Variants in SLC28A1 observed in about 807,000 individuals in gnomAD.
SLC28A1 encodes the protein sodium/nucleoside cotransporter 1.
A neutral mutation model predicts 74.8 loss-of-function variants in SLC28A1; 64 were observed. The observed-to-expected ratio is 0.86, with a 90% CI of 0.70 to 1.05. The LOEUF is 1.05. Among genes scored for constraint, SLC28A1 ranks in the 50% least tolerant of loss-of-function variants. The pLI, the probability that SLC28A1 is intolerant of heterozygous loss-of-function variation, is 0.00. For synonymous variants in SLC28A1, 359 were observed against 335.0 expected (o/e 1.07, Z -0.78); for missense variants, 828 against 822.8 (o/e 1.01, Z -0.08).
rs142749550 is a variant in SLC28A1, at chr15:84,901,734, G to C, written c.462-2363G>C. On this transcript the variant is annotated intron_variant, in intron 6 of 18. Coordinates refer to ENST00000394573, the MANE Select transcript of SLC28A1 (RefSeq NM_004213.5). The stretch of plus-strand genomic sequence containing the variant: ...CATATCAAGTGTTGGCAAGGATATA[G>C]AGGAACTGAAATTTTTATATACTGC... Among the ~76,000 whole-genome samples, 700 of 152,342 alleles carry C rather than the reference G, an allele frequency of 4.6e-3. 11 individuals are homozygous for C. Among genetic ancestry groups the C allele is most frequent in the African/African-American group, 0.016 (669 of 41,580 alleles).
chr15:84,935,244 G>A lies in SLC28A1; in HGVS notation c.1383+50G>A, dbSNP rs368421786. The A allele has an allele frequency of 9.9e-6, 16 of 1,612,254 alleles. No individual in the cohort carries two copies. In the African/African-American group the frequency reaches 1.7e-4, roughly 17 times the overall value. ...GTCTGTAGAGAGGATGGCCCCAGGT[G>A]GGTGGTGAGTGGTGGCTGGAGACCT... On this transcript the variant is annotated intron_variant, in intron 14 of 18. Transcript: ENST00000394573.
intron 13 of SLC28A1, 51 bp downstream of exon 13, chr15:84,933,326 G>C: frequency 6.3e-7 from 1 of 1,595,668 alleles, no homozygotes; most frequent in Non-Finnish European, 8.6e-7. Flanking sequence ...AAGGTGGGGG[G>C]AGCAAAGCAG....
At chr15:84,926,804 G>GC (rs1202322588) in intron 12 of SLC28A1, among the ~76,000 whole-genome samples, 2 of 86,874 alleles carry the variant, frequency 2.3e-5, no homozygotes, top group Admixed American at 1.3e-4. Context: ...GTGGGGGGAG[G>GC]GGGGGGGTGG....
At chr15:84,964,029 C>T in the SLC28A1 span, among the ~76,000 whole-genome samples, 1 of 152,178 alleles carries the variant, frequency 6.6e-6, no homozygotes, top group African/African-American at 2.4e-5. Context: ...TGGCTGTCTT[C>T]TCTAGGAAGC....
At chr15:84,939,519 G>T (rs895206929) in intron 15 of SLC28A1, 2 of 152,128 alleles carry the variant, frequency 1.3e-5, no homozygotes, top group African/African-American at 4.8e-5. Context: ...ATGTTATAAA[G>T]GCATTAACTT....
intron 12 of SLC28A1, among the ~76,000 whole-genome samples, chr15:84,929,974 A>G (rs1361445829): frequency 6.6e-6 from 1 of 152,202 alleles, no homozygotes; most frequent in African/African-American, 2.4e-5. Flanking sequence ...CCTGCAGAGT[A>G]GCTGGCAGTG....
At chr15:84,900,281 G>A (rs1450419282) in intron 6 of SLC28A1, among the ~76,000 whole-genome samples, 1 of 91,774 alleles carries the variant, frequency 1.1e-5, no homozygotes, top group Non-Finnish European at 2.6e-5. Flanking sequence ...AGTGAGCCGA[G>A]ATCACGCCAC....
the SLC28A1 span, among the ~76,000 whole-genome samples, chr15:84,955,759 G>T: frequency 3.3e-5 from 5 of 152,142 alleles, no homozygotes; most frequent in African/African-American, 1.2e-4. Flanking sequence ...TATTCTCCTG[G>T]CAGGCTCTAC....
At chr15:84,905,708 G>A (rs879043025) in intron 8 of SLC28A1, 56 bp downstream of exon 8, 181 of 1,263,406 alleles carry the variant, frequency 1.4e-4, no homozygotes, top group Middle Eastern at 1.9e-4. Context: ...GAGTAGGGGA[G>A]AAGCCACTTG....
At chr15:84,917,069 A>T (rs1326939582) in intron 9 of SLC28A1, among the ~76,000 whole-genome samples, 1 of 151,216 alleles carries the variant, frequency 6.6e-6, no homozygotes, top group Non-Finnish European at 1.5e-5. Context: ...ACAGATGAGA[A>T]ATTCAGAAAT....
chr15:84,899,355 T>C (rs534979120), intron 6 of SLC28A1, among the ~76,000 whole-genome samples: 28 of 151,620 alleles, frequency 1.8e-4, no homozygotes, highest in Admixed American at 8.5e-4. Context: ...AAAAAATATT[T>C]GACGAAATTA....
At chr15:84,967,952 A>G in the SLC28A1 span, among the ~76,000 whole-genome samples, 2 of 152,126 alleles carry the variant, frequency 1.3e-5, no homozygotes, top group African/African-American at 2.4e-5. Flanking sequence ...GCTAAGATTT[A>G]GTGAATCTTG....
Position 84,935,482 on chromosome 15 carries a change from C to G in SLC28A1, c.1545C>G (p.Ala515=). Reference sequence around the variant, plus strand: ...ACAAGCAACGCCGCCTGGCAGGGGCCGAGGAGTGGGTCGGCGACAGGAAGC... The same window carrying G: ...ACAAGCAACGCCGCCTGGCAGGGGCGGAGGAGTGGGTCGGCGACAGGAAGC... ...SKYKQRRLAG[A]EEWVGDRKQW... Residue 515 remains alanine (A), a synonymous_variant, in exon 15 of 19, where the codon GCC becomes GCG. Transcript: ENST00000394573. 1 of 1,614,072 alleles carries G rather than the reference C, an allele frequency of 6.2e-7. No homozygotes were observed. Among genetic ancestry groups the G allele is most frequent in the Non-Finnish European group, 8.5e-7 (1 of 1,179,988 alleles).
intron 12 of SLC28A1, among the ~76,000 whole-genome samples, chr15:84,930,069 C>A (rs1430648208): frequency 1.3e-5 from 2 of 152,242 alleles, no homozygotes; most frequent in Non-Finnish European, 1.5e-5. Context: ...TGGAAACTAG[C>A]AACTGCAGCA....
Position 84,904,143 on chromosome 15 carries a change from C to T in SLC28A1, c.508C>T (p.Leu170=). ...AFLGLVLWLS[L]DTSQRPEQLV... is the part of the protein sequence containing the mutation. ...CCTGGGCCTGGTCCTGTGGCTGTCT[C>T]TGGACACCTCCCAGCGGCCTGAGCA... The change falls in exon 7 of 19, where the codon CTG becomes TTG. Residue 170 remains leucine (L), a synonymous_variant. Transcript: ENST00000394573. 1 of 1,614,200 alleles carries T rather than the reference C, an allele frequency of 6.2e-7. No homozygotes were observed. Among genetic ancestry groups the T allele is most frequent in the Non-Finnish European group, 8.5e-7 (1 of 1,180,048 alleles).
intron 11 of SLC28A1, 137 bp downstream of exon 11, chr15:84,921,206 G>A: frequency 1.4e-6 from 1 of 731,096 alleles, no homozygotes; most frequent in Non-Finnish European, 2.4e-6. Context: ...AAATTCTGCT[G>A]CTCCAGGGAT....
At chr15:84,961,567 C>A in the SLC28A1 span, 1 of 450,316 alleles carries the variant, frequency 2.2e-6, no homozygotes, top group Non-Finnish European at 4.5e-6. Context: ...TCTTGAACTC[C>A]TGGCCTTAAA....
At chr15:84,966,144 C>G in the SLC28A1 span, among the ~76,000 whole-genome samples, 3 of 152,076 alleles carry the variant, frequency 2.0e-5, no homozygotes, top group Admixed American at 2.0e-4. Flanking sequence ...GTGGTGCAGT[C>G]TTGGCTCCCT....
the SLC28A1 span, among the ~76,000 whole-genome samples, chr15:84,958,580 G>T: frequency 6.6e-6 from 1 of 152,096 alleles, no homozygotes; most frequent in African/African-American, 2.4e-5. Flanking sequence ...TTGAGGCAGG[G>T]TCTCATTCTA....
Sources: allele counts gnomAD v4.1 joint callset (sites outside exome capture counted in the v4.1 genomes callset), GRCh38; gene constraint gnomAD v4.1.1; transcripts MANE v1.5; gene names NCBI Gene and HGNC (gene_info 2026-07-23, HGNC 2026-07-21).